GDPD1: variants seen among roughly 807,000 people sequenced by gnomAD.
The protein encoded by GDPD1 is glycerophosphodiester phosphodiesterase domain containing 1, also known as lysophospholipase D GDPD1.
Under a neutral mutation model 45.1 loss-of-function variants are expected in GDPD1, and 28 were observed. The observed-to-expected ratio is 0.62, with a 90% CI of 0.46 to 0.85. The LOEUF (loss-of-function observed/expected upper bound fraction) is 0.85. Among genes scored for constraint, GDPD1 ranks in the 40% least tolerant of loss-of-function variants. The pLI is 0.00. For synonymous variants in GDPD1, 139 were observed against 131.4 expected (o/e 1.06, Z -0.40); for missense variants, 256 against 364.8 (o/e 0.70, Z 2.43).
intron 1 of GDPD1, among the ~76,000 whole-genome samples, chr17:59,222,322 T>C (rs2047011433): frequency 6.6e-6 from 1 of 151,954 alleles, no homozygotes; most frequent in Non-Finnish European, 1.5e-5. Flanking sequence ...TTCTCCTGCC[T>C]CAGCCTCCCG....
chr17:59,274,743 A>G lies in GDPD1; in HGVS notation c.*970A>G. ...CAGTGAGCCGAGATCGCGCCACTGCACTCCAGCCTGGGCTACAGAGCAAGA... is the reference window on the plus strand; with the variant it reads ...CAGTGAGCCGAGATCGCGCCACTGCGCTCCAGCCTGGGCTACAGAGCAAGA... On this transcript the variant is annotated 3_prime_UTR_variant, in exon 10 of 10. Coordinates refer to ENST00000284116, the MANE Select transcript of GDPD1 (RefSeq NM_182569.4). Among the ~76,000 whole-genome samples the G allele has an allele frequency of 6.6e-6, 1 of 151,100 alleles. No homozygotes were observed. Among genetic ancestry groups the G allele is most frequent in the Non-Finnish European group, 1.5e-5 (1 of 67,804 alleles).
intron 6 of GDPD1, among the ~76,000 whole-genome samples, chr17:59,261,563 C>G (rs1405448179): frequency 1.3e-5 from 2 of 151,812 alleles, no homozygotes; most frequent in African/African-American, 2.4e-5. Context: ...GTGGTGTGAT[C>G]TTGGTTCACT....
rs750809246 is a variant in GDPD1, at chr17:59,257,746, C to T, written c.487-5C>T. The T allele has an allele frequency of 1.1e-5, 17 of 1,589,324 alleles. No homozygotes were observed. Among genetic ancestry groups the T allele is most frequent in the East Asian group, 4.6e-5 (2 of 43,378 alleles). ...ATGCATAAAATTTTGAATTTTCACA[C>T]GTAGGTTTCAGAGTTGGTGAAGCGG... On this transcript the variant is annotated splice_polypyrimidine_tract_variant and splice_region_variant and intron_variant, in intron 5 of 9. Coordinates refer to ENST00000284116, the MANE Select transcript of GDPD1 (RefSeq NM_182569.4).
At chr17:59,258,341 C>T (rs774871530) in intron 6 of GDPD1, among the ~76,000 whole-genome samples, 9 of 151,912 alleles carry the variant, frequency 5.9e-5, no homozygotes, top group African/African-American at 1.2e-4. Context: ...GTCAGGAGTT[C>T]GAGACCAACC....
chr17:59,227,710 A>G (rs1056270712), intron 1 of GDPD1, among the ~76,000 whole-genome samples: 2 of 152,148 alleles, frequency 1.3e-5, no homozygotes, highest in Non-Finnish European at 2.9e-5. Flanking sequence ...ATCTAATGCC[A>G]TTGGTTATAA....
At chr17:59,220,972 G>T (rs1227413121) in intron 1 of GDPD1, among the ~76,000 whole-genome samples, 1 of 152,090 alleles carries the variant, frequency 6.6e-6, no homozygotes, top group Non-Finnish European at 1.5e-5. Flanking sequence ...GGGGTCTCTC[G>T]AGGGCAGCAG....
chr17:59,228,909 T>C (rs1370805570), intron 1 of GDPD1, among the ~76,000 whole-genome samples: 4 of 151,462 alleles, frequency 2.6e-5, no homozygotes, highest in Admixed American at 1.3e-4. Flanking sequence ...GTTTAGGTTC[T>C]GTTTTAACCC....
chr17:59,250,613 CAAAA>C (rs34031181), intron 4 of GDPD1, among the ~76,000 whole-genome samples: 4 of 102,264 alleles, frequency 3.9e-5, no homozygotes, highest in Non-Finnish European at 6.3e-5. Flanking sequence ...GACCTTGTCT[CAAAA>C]AAAAAAAAAA....
At chr17:59,265,696 G>A (rs368444739) in intron 6 of GDPD1, among the ~76,000 whole-genome samples, 10 of 151,522 alleles carry the variant, frequency 6.6e-5, no homozygotes, top group South Asian at 2.1e-4. Context: ...CCAGGAGTTC[G>A]AGACCAGCCT....
At position 59,257,785 on chromosome 17, in the gene GDPD1, A is replaced by T; in HGVS notation, c.521A>T (p.His174Leu). ...SELVKRYNRE[H>L]LTVWGNANYE... ...TTGGTGAAGCGGTATAATCGAGAAC[A>T]CTTAACAGTGTGGGGTAATGCCAAT... The change falls in exon 6 of 10, where the codon CAC becomes CTC. Residue 174 changes from histidine (H) to leucine (L), a missense_variant. Coordinates refer to ENST00000284116, the MANE Select transcript of GDPD1 (RefSeq NM_182569.4). 6.2e-7 allele frequency: 1 copy of T among 1,608,062 alleles called. No individual in the cohort carries two copies. Among genetic ancestry groups the T allele is most frequent in the Non-Finnish European group, 8.5e-7 (1 of 1,177,780 alleles).
chr17:59,270,382 C>CGG (rs11412206), intron 7 of GDPD1, among the ~76,000 whole-genome samples: 2,064 of 147,148 alleles, frequency 0.014, 48 homozygotes, highest in African/African-American at 0.047. Context: ...TTAGTAGAGA[C>CGG]GGGGGGGGGT....
intron 4 of GDPD1, among the ~76,000 whole-genome samples, chr17:59,256,084 C>T (rs1045304701): frequency 2.0e-5 from 3 of 151,194 alleles, no homozygotes; most frequent in Non-Finnish European, 2.9e-5. Context: ...TTCGGGAGGC[C>T]GAGGCGGGCA....
intron 6 of GDPD1, among the ~76,000 whole-genome samples, chr17:59,265,016 T>G (rs1391248214): frequency 6.6e-6 from 1 of 151,728 alleles, no homozygotes; most frequent in East Asian, 1.9e-4. Flanking sequence ...AATTTTTGTA[T>G]TTTTAGTAGA....
chr17:59,247,893 G>T (rs2047224526), intron 3 of GDPD1, among the ~76,000 whole-genome samples: 1 of 151,990 alleles, frequency 6.6e-6, no homozygotes, highest in African/African-American at 2.4e-5. Context: ...GCCTCCCAAA[G>T]TGCTGGGATT....
rs973909313 is a variant in GDPD1, at chr17:59,272,852, G to T, written c.822+16G>T. 1 of 1,613,938 alleles carries T rather than the reference G, an allele frequency of 6.2e-7. No individual in the cohort carries two copies. Among genetic ancestry groups the T allele is most frequent in the Admixed American group, 1.7e-5 (1 of 60,006 alleles). Reference sequence around the variant, plus strand: ...AGGCATTCAAGTAAGTTTCTGGAATGATGCATTTTGGAAGCAGCATAGCTC... The same window carrying T: ...AGGCATTCAAGTAAGTTTCTGGAATTATGCATTTTGGAAGCAGCATAGCTC... On this transcript the variant is annotated intron_variant, in intron 9 of 9. Transcript: ENST00000284116.
In GDPD1 at chr17:59,275,368, T is replaced by G; in HGVS notation, c.*1595T>G. On this transcript the variant is annotated 3_prime_UTR_variant, in exon 10 of 10. Coordinates refer to ENST00000284116, the MANE Select transcript of GDPD1 (RefSeq NM_182569.4). ...AGAGTGAATTAGATTTCTGAGTTGTTGTTGTTAATGGAACATTCTATTTGA... is the reference window on the plus strand; with the variant it reads ...AGAGTGAATTAGATTTCTGAGTTGTGGTTGTTAATGGAACATTCTATTTGA... 1.8e-6 allele frequency: 1 copy of G among 564,686 alleles called. No homozygotes were observed. Among genetic ancestry groups the G allele is most frequent in the Non-Finnish European group, 3.1e-6 (1 of 319,056 alleles). The allele number at this position is 564,686 out of a possible 1,614,324, so 35.0% of individuals were successfully genotyped here.
At chr17:59,262,427 A>G (rs1406054841) in intron 6 of GDPD1, among the ~76,000 whole-genome samples, 1 of 152,130 alleles carries the variant, frequency 6.6e-6, no homozygotes, top group Non-Finnish European at 1.5e-5. Flanking sequence ...GGAATGAACT[A>G]TTGATACATG....
intron 1 of GDPD1, among the ~76,000 whole-genome samples, chr17:59,223,954 C>T (rs115432492): frequency 0.02 from 2,997 of 152,170 alleles, 106 homozygotes; most frequent in African/African-American, 0.068. Flanking sequence ...ATGGCTCTTT[C>T]TCTCTCCACC....
At position 59,270,916 on chromosome 17, in the gene GDPD1, CAA is replaced by C. The variant is rs1267003544; in HGVS notation, c.711-18_711-17del. 1 of 1,530,718 alleles carries C rather than the reference CAA, an allele frequency of 6.5e-7. No individual in the cohort carries two copies. Among genetic ancestry groups the C allele is most frequent in the African/African-American group, 1.4e-5 (1 of 72,030 alleles). The allele number at this position is 1,530,718 out of a possible 1,614,324, so 94.8% of individuals were successfully genotyped here. A position where few individuals can be genotyped will look rare whatever the true frequency, so the allele number is the denominator to read the frequency against. ...ATTTCTGTGTTTCTAATTTGTAATT[CAA>C]ACTTTATTTTACCCTAGGCTAAAAG... On this transcript the variant is annotated intron_variant, in intron 7 of 9. Transcript: ENST00000284116.
Sources: allele counts gnomAD v4.1 joint callset (sites outside exome capture counted in the v4.1 genomes callset), GRCh38; gene constraint gnomAD v4.1.1; transcripts MANE v1.5; gene names NCBI Gene and HGNC (gene_info 2026-07-23, HGNC 2026-07-21).